The following CHCHD3 variants were observed in gnomAD, a reference collection of about 807,000 sequenced individuals.
The protein encoded by CHCHD3 is coiled-coil-helix-coiled-coil-helix domain containing 3.
A neutral mutation model predicts 38.2 loss-of-function variants in CHCHD3; 20 were observed. The observed-to-expected ratio is 0.52, with a 90% CI of 0.37 to 0.76. CHCHD3 has a LOEUF of 0.76. Among genes scored for constraint, CHCHD3 ranks in the 30% least tolerant of loss-of-function variants. The pLI, the probability that CHCHD3 is intolerant of heterozygous loss-of-function variation, is 0.00. For synonymous variants in CHCHD3, 82 were observed against 100.0 expected (o/e 0.82, Z 1.07); for missense variants, 245 against 279.2 (o/e 0.88, Z 0.87).
chr7:132,929,320 G>C (rs1810461956), intron 4 of CHCHD3, among the ~76,000 whole-genome samples: 1 of 151,564 alleles, frequency 6.6e-6, no homozygotes. Context: ...TCTCTCTTTT[G>C]TTGGCTGCTT....
At chr7:133,059,832 C>T (rs935542263) in intron 2 of CHCHD3, among the ~76,000 whole-genome samples, 1 of 152,184 alleles carries the variant, frequency 6.6e-6, no homozygotes, top group Admixed American at 6.5e-5. Context: ...TTGTACATAT[C>T]AGGCTTCATT....
At chr7:132,851,861 C>G (rs1808226402) in intron 5 of CHCHD3, among the ~76,000 whole-genome samples, 3 of 152,164 alleles carry the variant, frequency 2.0e-5, no homozygotes, top group African/African-American at 7.2e-5. Context: ...ATTCGTATTG[C>G]CAACACATCT....
chr7:132,786,209 T>C (rs1354148767), intron 7 of CHCHD3, among the ~76,000 whole-genome samples: 1 of 152,120 alleles, frequency 6.6e-6, no homozygotes, highest in African/African-American at 2.4e-5. Context: ...GTAGGGGCAT[T>C]TGGAAATGTT....
chr7:132,815,782 C>T (rs1192998193), intron 6 of CHCHD3, among the ~76,000 whole-genome samples: 1 of 152,158 alleles, frequency 6.6e-6, no homozygotes, highest in South Asian at 2.1e-4. Context: ...CTGGTTTACG[C>T]ACCGTCAGTC....
Position 133,035,658 on chromosome 7 carries a change from G to T in CHCHD3, c.170-11031C>A. On this transcript the variant is annotated intron_variant, in intron 2 of 7. Transcript: ENST00000262570. The surrounding 1 kb of genome is among the most constrained non-coding windows in gnomAD (Gnocchi z 4.7). ...CACCACCTGGGCTGCTGCCTCTGGA[G>T]TACTTCCCCGCAGCTCCTCATTGCT... 6.2e-7 allele frequency: 1 copy of T among 1,611,860 alleles called. No individual in the cohort carries two copies. The highest frequency in any genetic ancestry group is 1.1e-5 in the South Asian group (1 of 90,756).
intron 4 of CHCHD3, among the ~76,000 whole-genome samples, chr7:132,913,042 T>C (rs1434503141): frequency 6.6e-6 from 1 of 152,210 alleles, no homozygotes; most frequent in Non-Finnish European, 1.5e-5. Flanking sequence ...CAAATGACAC[T>C]GTCTACCATG....
chr7:132,916,126 C>A (rs978734764), intron 4 of CHCHD3, among the ~76,000 whole-genome samples: 3 of 152,076 alleles, frequency 2.0e-5, no homozygotes, highest in Admixed American at 6.5e-5. Flanking sequence ...TCCCAATGAT[C>A]TGGTTAAACA....
chr7:132,809,287 T>C (rs975653505), intron 6 of CHCHD3, among the ~76,000 whole-genome samples: 15 of 152,158 alleles, frequency 9.9e-5, no homozygotes, highest in Admixed American at 9.2e-4. Context: ...GTCACTGAGA[T>C]TGTTAGTTCC....
intron 1 of CHCHD3, among the ~76,000 whole-genome samples, chr7:133,077,897 C>A (rs1815049799): frequency 4.5e-3 from 1 of 222 alleles, no homozygotes; most frequent in Non-Finnish European, 9.6e-3. Context: ...AAAAACAAGA[C>A]CCTACAATAC....
At chr7:133,079,675 G>A (rs939214647) in intron 1 of CHCHD3, among the ~76,000 whole-genome samples, 4 of 152,134 alleles carry the variant, frequency 2.6e-5, no homozygotes, top group African/African-American at 7.2e-5. Flanking sequence ...ACTAACCTGC[G>A]ATTTAAACTG....
intron 4 of CHCHD3, among the ~76,000 whole-genome samples, chr7:132,915,475 A>C (rs1810079938): frequency 1.3e-5 from 2 of 152,090 alleles, no homozygotes; most frequent in East Asian, 3.9e-4. Flanking sequence ...TCCCTTATCT[A>C]TCCTTCCACT....
At chr7:132,833,901 T>C (rs555846844) in intron 6 of CHCHD3, among the ~76,000 whole-genome samples, 11 of 152,186 alleles carry the variant, frequency 7.2e-5, no homozygotes, top group Admixed American at 3.3e-4. Context: ...CCCTTGACAC[T>C]GCACTTTAAA....
chr7:133,035,591 G>A lies in CHCHD3; in HGVS notation c.170-10964C>T, dbSNP rs753585064. 6.2e-7 allele frequency: 1 copy of A among 1,613,182 alleles called. No homozygotes were observed. Among genetic ancestry groups the A allele is most frequent in the Non-Finnish European group, 8.5e-7 (1 of 1,179,330 alleles). ...CCAAGGTGGGGAACACCCAGGTACTGGCTGGGGGCACTATATCGGAATCAG... is the reference window on the plus strand; with the variant it reads ...CCAAGGTGGGGAACACCCAGGTACTAGCTGGGGGCACTATATCGGAATCAG... On this transcript the variant is annotated intron_variant, in intron 2 of 7. Transcript: ENST00000262570. The surrounding 1 kb of genome is among the most constrained non-coding windows in gnomAD (Gnocchi z 4.7).
At chr7:133,073,191 T>A (rs1814877967) in intron 1 of CHCHD3, among the ~76,000 whole-genome samples, 1 of 152,108 alleles carries the variant, frequency 6.6e-6, no homozygotes. Flanking sequence ...AGCCCTCCCT[T>A]GGCTTTTCTG....
In CHCHD3 at chr7:133,070,192, G is replaced by A. The variant is rs770565570; in HGVS notation, c.119C>T (p.Ser40Phe). 84 of 1,613,474 alleles carry A rather than the reference G, an allele frequency of 5.2e-5. No homozygotes were observed. In the East Asian group the frequency reaches 1.8e-3, roughly 36 times the overall value. ...ENVIDRMKESSPSGSKSQRYS... is the reference protein window; with the variant it reads ...ENVIDRMKESFPSGSKSQRYS... ...CCGCTGAGACTTCGAACCAGATGGA[G>A]AGGATTCCTTCATTCGATCAATCAC... Residue 40 changes from serine to phenylalanine, a missense_variant, in exon 2 of 8, where the codon TCT becomes TTT. Ser to Phe is a radical substitution (Grantham distance 155). Transcript: ENST00000262570.
intron 6 of CHCHD3, among the ~76,000 whole-genome samples, chr7:132,821,373 G>C (rs1807368691): frequency 6.6e-6 from 1 of 152,136 alleles, no homozygotes; most frequent in African/African-American, 2.4e-5. Flanking sequence ...TAACTTGCTA[G>C]AATAGGTCTA....
At chr7:132,830,934 T>C (rs1807632624) in intron 6 of CHCHD3, among the ~76,000 whole-genome samples, 1 of 152,138 alleles carries the variant, frequency 6.6e-6, no homozygotes, top group Non-Finnish European at 1.5e-5. Flanking sequence ...GTTACTTGGC[T>C]CCAAGGACCG....
At chr7:132,964,839 TAC>T (rs1811417629) in intron 4 of CHCHD3, among the ~76,000 whole-genome samples, 2 of 152,238 alleles carry the variant, frequency 1.3e-5, no homozygotes. Context: ...TACTGAAATT[TAC>T]AGTTTGACAT....
In CHCHD3 at chr7:133,035,307, CCCAAGACAG is replaced by C. The variant is rs1313748685; in HGVS notation, c.170-10689_170-10681del. The C allele has an allele frequency of 5.0e-6, 8 of 1,611,816 alleles. No individual in the cohort carries two copies. Among genetic ancestry groups the C allele is most frequent in the Non-Finnish European group, 6.8e-6 (8 of 1,178,116 alleles). The stretch of plus-strand genomic sequence containing the variant: ...CATCTTCTCACACAGTTTCAGTTCC[CCCAAGACAG>C]CCCGGAACTGGGGCTGGTTAATGCA... On this transcript the variant is annotated intron_variant, in intron 2 of 7. Transcript: ENST00000262570. This position sits in a 1 kb window ranked among gnomAD's most constrained non-coding sequence, Gnocchi z 4.7.
Sources: gnomAD v4.1 joint callset for allele counts (sites outside exome capture counted in the v4.1 genomes callset) on GRCh38, gnomAD v4.1.1 for gene constraint, Gnocchi (gnomAD v3.1) non-coding constraint, MANE v1.5 for transcripts, NCBI Gene and HGNC (gene_info 2026-07-23, HGNC 2026-07-21) for gene names.